The following CUBN variants were observed in gnomAD, a reference collection of about 807,000 sequenced individuals.
The protein encoded by CUBN is cubilin, also known as 460 kDa receptor.
Under a neutral mutation model 405.3 loss-of-function variants are expected in CUBN, and 282 were observed. The observed-to-expected ratio is 0.70, with a 90% CI of 0.63 to 0.77. The LOEUF (loss-of-function observed/expected upper bound fraction) is 0.77. Ranked by LOEUF, CUBN falls within the 30% of genes least tolerant of loss-of-function variation. CUBN has a pLI of 0.00. For synonymous variants in CUBN, 1,684 were observed against 1,617.0 expected, an observed-to-expected ratio of 1.04 and a Z score of -0.99; for missense variants, 4,514 against 4,475.2, an observed-to-expected ratio of 1.01 and a Z score of -0.25.
At chr10:16,944,507 C>T (rs541405910) in intron 36 of CUBN, among the ~76,000 whole-genome samples, 1 of 152,202 alleles carries the variant, frequency 6.6e-6, no homozygotes, top group African/African-American at 2.4e-5. Flanking sequence ...GCTTCTCATA[C>T]GCTCTCACAC....
chr10:17,099,943 T>C, intron 14 of CUBN, 62 bp downstream of exon 14: 1 of 1,043,542 alleles, frequency 9.6e-7, no homozygotes, highest in East Asian at 2.4e-5. Context: ...AGTCTAACAC[T>C]GATTAAGAAC....
intron 41 of CUBN, among the ~76,000 whole-genome samples, chr10:16,926,786 A>G (rs3858184): frequency 0.34 from 51,861 of 151,174 alleles, 11,704 homozygotes; most frequent in African/African-American, 0.64. Context: ...AAAGTGTTCA[A>G]CTTTCAAAGG....
chr10:16,949,989 A>G lies in CUBN; in HGVS notation c.5080+12T>C. Reference sequence around the variant, plus strand: ...CAAGACCACAGATGTAGATGAGTGAACGCTGAGGTACCTCGGAGGGGCGCG... The same window carrying G: ...CAAGACCACAGATGTAGATGAGTGAGCGCTGAGGTACCTCGGAGGGGCGCG... On this transcript the variant is annotated intron_variant, in intron 34 of 66. Transcript: ENST00000377833. The G allele has an allele frequency of 6.3e-7, 1 of 1,592,884 alleles. No individual in the cohort carries two copies. Among genetic ancestry groups the G allele is most frequent in the Non-Finnish European group, 8.6e-7 (1 of 1,161,534 alleles).
At chr10:16,965,316 A>G (rs1305024536) in intron 31 of CUBN, among the ~76,000 whole-genome samples, 3 of 152,226 alleles carry the variant, frequency 2.0e-5, no homozygotes, top group African/African-American at 7.2e-5. Context: ...TACTAAAGTA[A>G]AGCTGAGCAT....
At chr10:17,062,193 G>A (rs1020745325) in intron 22 of CUBN, among the ~76,000 whole-genome samples, 3 of 152,036 alleles carry the variant, frequency 2.0e-5, no homozygotes, top group Admixed American at 6.6e-5. Context: ...AGTAGCAACC[G>A]AATAAATTAA....
At chr10:17,077,680 T>A (rs1835882211) in intron 17 of CUBN, among the ~76,000 whole-genome samples, 1 of 152,102 alleles carries the variant, frequency 6.6e-6, no homozygotes, top group Admixed American at 6.6e-5. Context: ...CTGACATACA[T>A]CTTAGCTAAG....
intron 56 of CUBN, among the ~76,000 whole-genome samples, chr10:16,886,914 G>A (rs550201000): frequency 7.2e-5 from 11 of 152,174 alleles, no homozygotes; most frequent in East Asian, 5.8e-4. Flanking sequence ...TCAGCCTCCC[G>A]AGTAGCTGGG....
At position 16,937,613 on chromosome 10, in the gene CUBN, C is replaced by T. The variant is rs1428801263; in HGVS notation, c.5905G>A (p.Val1969Ile). Residue 1969 changes from valine to isoleucine, a missense_variant, in exon 39 of 67, where the codon GTT becomes ATT. By Grantham distance (29) the Val-to-Ile change is conservative (BLOSUM62 3). Transcript: ENST00000377833. ...EWFAVDAPDG[V>I]LPTIAPGACG... is the part of the protein sequence containing the mutation. ...ACACCTGGAGCAATGGTAGGTAAAA[C>T]ACCATCAGGTGCATCCACTGCAAAC... 9.3e-6 allele frequency: 15 copies of T among 1,613,808 alleles called. No individual in the cohort carries two copies. The Admixed American group carries it at 2.2e-4, about 23-fold the overall frequency.
intron 10 of CUBN, among the ~76,000 whole-genome samples, chr10:17,106,720 C>T (rs1051695586): frequency 6.6e-6 from 1 of 152,044 alleles, no homozygotes; most frequent in Non-Finnish European, 1.5e-5. Flanking sequence ...ATGAGGGGAG[C>T]CCAGAGAGCA....
chr10:16,990,792 C>T (rs1833561954), intron 28 of CUBN, among the ~76,000 whole-genome samples: 1 of 152,024 alleles, frequency 6.6e-6, no homozygotes, highest in Admixed American at 6.6e-5. Context: ...AACCTTCGTA[C>T]TTTAAAAAAA....
At chr10:16,963,612 G>A (rs1301457074) in intron 31 of CUBN, among the ~76,000 whole-genome samples, 1 of 152,014 alleles carries the variant, frequency 6.6e-6, no homozygotes. Flanking sequence ...AAGAATATTC[G>A]GTACAAAAAG....
At chr10:16,971,136 C>A (rs2131670904) in intron 31 of CUBN, among the ~76,000 whole-genome samples, 1 of 152,324 alleles carries the variant, frequency 6.6e-6, no homozygotes, top group East Asian at 1.9e-4. Context: ...TATCTGACAG[C>A]ATCACTGGCA....
At chr10:16,985,873 C>T (rs546833001) in intron 29 of CUBN, among the ~76,000 whole-genome samples, 1 of 152,342 alleles carries the variant, frequency 6.6e-6, no homozygotes, top group African/African-American at 2.4e-5. Flanking sequence ...GACTGGAATC[C>T]AATACCCCAG....
chr10:17,070,752 T>C (rs983574603), intron 19 of CUBN, among the ~76,000 whole-genome samples: 8 of 152,182 alleles, frequency 5.3e-5, no homozygotes, highest in African/African-American at 1.9e-4. Flanking sequence ...CTAATAGTTT[T>C]TTATGTGTGT....
chr10:16,883,909 T>C (rs1384691391), intron 56 of CUBN, among the ~76,000 whole-genome samples: 1 of 152,240 alleles, frequency 6.6e-6, no homozygotes, highest in Non-Finnish European at 1.5e-5. Flanking sequence ...ATTGAGAATT[T>C]CTAAATTCCT....
intron 31 of CUBN, among the ~76,000 whole-genome samples, chr10:16,977,010 T>C (rs1317457928): frequency 6.6e-6 from 1 of 152,204 alleles, no homozygotes; most frequent in African/African-American, 2.4e-5. Flanking sequence ...TAATCACAGT[T>C]GTATAGCAAG....
intron 4 of CUBN, among the ~76,000 whole-genome samples, chr10:17,126,535 G>C (rs559006046): frequency 6.6e-6 from 1 of 152,166 alleles, no homozygotes; most frequent in South Asian, 2.1e-4. Context: ...AGGGTCAGAA[G>C]CCCTAACAGG....
At chr10:17,110,043 T>C (rs1347118664) in intron 9 of CUBN, among the ~76,000 whole-genome samples, 1 of 152,222 alleles carries the variant, frequency 6.6e-6, no homozygotes, top group Non-Finnish European at 1.5e-5. Context: ...ACAGTGACTC[T>C]GATGTTCTTA....
At chr10:17,003,179 C>T (rs370384534) in intron 28 of CUBN, among the ~76,000 whole-genome samples, 56 of 152,298 alleles carry the variant, frequency 3.7e-4, no homozygotes, top group African/African-American at 1.3e-3. Context: ...CAAAACCAAG[C>T]AGGATTTCCT....
Sources: gnomAD v4.1 joint callset for allele counts (sites outside exome capture counted in the v4.1 genomes callset) on GRCh38, gnomAD v4.1.1 for gene constraint, MANE v1.5 for transcripts, NCBI Gene and HGNC (gene_info 2026-07-23, HGNC 2026-07-21) for gene names.